BCAS2: variants seen among roughly 807,000 people sequenced by gnomAD.
The protein encoded by BCAS2 is BCAS2 pre-mRNA processing factor.
In BCAS2, 34 loss-of-function variants were observed where a neutral mutation model predicts 35.3. The ratio of observed to expected loss-of-function variants is 0.96; its 90% confidence interval spans 0.73 to 1.28. The LOEUF (loss-of-function observed/expected upper bound fraction) is 1.28, where lower values mean the gene tolerates loss of function less well. BCAS2 is among the 50% of genes most tolerant of loss of function. The pLI is 0.00. For missense variants in BCAS2, 221 were observed against 268.1 expected (o/e 0.82, Z 1.23); for synonymous variants, 75 against 91.6 (o/e 0.82, Z 1.03).
intron 4 of BCAS2, among the ~76,000 whole-genome samples, chr1:114,573,351 T>G (rs1654689863): frequency 7.5e-6 from 1 of 132,624 alleles, no homozygotes; most frequent in Admixed American, 7.0e-5. Context: ...TTTTTTTTCT[T>G]TTTTTTGAAA....
At chr1:114,575,175 C>CTT (rs1270055135) in intron 4 of BCAS2, among the ~76,000 whole-genome samples, 2 of 122,988 alleles carry the variant, frequency 1.6e-5, no homozygotes, top group Non-Finnish European at 3.2e-5. Context: ...CCCGGCTTTT[C>CTT]TTTTTCTTTT....
chr1:114,568,352 A>G (rs896982040), intron 6 of BCAS2, 96 bp from the exon 7 acceptor site: 20 of 1,316,794 alleles, frequency 1.5e-5, no homozygotes, highest in East Asian at 2.5e-5. Context: ...ACCCAGAGCT[A>G]TAACACTAAC....
chr1:114,575,675 C>T lies in BCAS2; in HGVS notation c.334G>A (p.Ala112Thr). Residue 112 changes from alanine (A) to threonine (T), a missense_variant, in exon 4 of 7, where the codon GCC (alanine) becomes ACC (threonine). Ala to Thr is a moderately conservative substitution (Grantham distance 58, BLOSUM62 0). Transcript: ENST00000369541. Reference protein sequence around the residue: ...AWQECVNNSMAQLEHQAVRIE... With the variant: ...AWQECVNNSMTQLEHQAVRIE... ...CTAACTGCTTGATGCTCTAACTGGG[C>T]CATAGAATTGTTTACACATTCTTGC... is the stretch of plus-strand genomic sequence containing the variant. 1 of 1,613,096 alleles carries T rather than the reference C, an allele frequency of 6.2e-7. No homozygotes were observed. Among genetic ancestry groups the T allele is most frequent in the Non-Finnish European group, 8.5e-7 (1 of 1,179,790 alleles).
At position 114,579,650 on chromosome 1, in the gene BCAS2, GAGGCCAGGAGTTCA is replaced by G. The variant is rs371734251; in HGVS notation, c.186+1635_186+1648del. Reference sequence around the variant, plus strand: ...GGAGGCTGAGGTGGGTGGATCACTTGAGGCCAGGAGTTCAAGACCAGCCTGGCCAACATGGTAAA... The same window carrying G: ...GGAGGCTGAGGTGGGTGGATCACTTGAGACCAGCCTGGCCAACATGGTAAA... On this transcript the variant is annotated intron_variant, in intron 2 of 6. Transcript: ENST00000369541. Among the ~76,000 whole-genome samples, 193 of 152,294 alleles carry G rather than the reference GAGGCCAGGAGTTCA, an allele frequency of 1.3e-3. 1 individual carries two copies. The highest frequency in any genetic ancestry group is 4.3e-3 in the African/African-American group (178 of 41,564).
rs61232118 is a variant in BCAS2, at chr1:114,570,268, T to TCACACA, written c.471-202_471-197dup. Among the ~76,000 whole-genome samples the TCACACA allele has an allele frequency of 3.6e-3, 545 of 150,628 alleles. 2 individuals are homozygous for TCACACA. Among genetic ancestry groups the TCACACA allele is most frequent in the African/African-American group, 0.012 (489 of 41,142 alleles). On this transcript the variant is annotated intron_variant, in intron 5 of 6. Transcript: ENST00000369541. ...CATAAAACATGCTCATTGTGAGAAA[T>TCACACA]CACACACACACACACACACAAGCAC...
Position 114,578,188 on chromosome 1 carries a change from C to CAAAAACAA in BCAS2, c.187-1438_187-1431dup, listed in dbSNP as rs538555771. ...CTGGCAACAGAGTGAGACTTCATCT[C>CAAAAACAA]AAAAACAAAAAAACAAAAAAACAAA... is the stretch of plus-strand genomic sequence containing the variant. On this transcript the variant is annotated intron_variant, in intron 2 of 6. Coordinates refer to ENST00000369541, the MANE Select transcript of BCAS2 (RefSeq NM_005872.3). Among the ~76,000 whole-genome samples, 182 of 150,902 alleles carry CAAAAACAA rather than the reference C, an allele frequency of 1.2e-3. 1 individual carries two copies. In the South Asian group the frequency reaches 0.015, roughly 12 times the overall value.
intron 2 of BCAS2, among the ~76,000 whole-genome samples, chr1:114,580,660 AAAATT>A (rs1412556757): frequency 2.0e-5 from 3 of 152,208 alleles, no homozygotes; most frequent in Non-Finnish European, 4.4e-5. Context: ...AAAGAAAAGA[AAAATT>A]AAAAGAAAAC....
In BCAS2 at chr1:114,575,569, G is replaced by A. The variant is rs375019963; in HGVS notation, c.419+21C>T. On this transcript the variant is annotated intron_variant, in intron 4 of 6. Coordinates refer to ENST00000369541, the MANE Select transcript of BCAS2 (RefSeq NM_005872.3). ...AAGAGAAAAAACAAAAAAAACAGAA[G>A]ATGAAGAAAAAGGTTCTTACTCATT... 620 of 1,563,766 alleles carry A rather than the reference G, an allele frequency of 4.0e-4. 9 individuals are homozygous for A. In the South Asian group the frequency reaches 4.8e-3, roughly 12 times the overall value.
chr1:114,579,269 C>CA (rs1339266424), intron 2 of BCAS2, among the ~76,000 whole-genome samples: 3 of 151,186 alleles, frequency 2.0e-5, no homozygotes, highest in African/African-American at 7.3e-5. Context: ...GACTCTGTCT[C>CA]AAAAAAAGAA....
chr1:114,580,986 C>G (rs1385159501), intron 2 of BCAS2, among the ~76,000 whole-genome samples: 2 of 152,194 alleles, frequency 1.3e-5, no homozygotes, highest in African/African-American at 4.8e-5. Context: ...AACCCTAGAT[C>G]ACTTGCTGTA....
chr1:114,569,060 G>A (rs1250337355), intron 6 of BCAS2, among the ~76,000 whole-genome samples: 1 of 151,902 alleles, frequency 6.6e-6, no homozygotes, highest in Non-Finnish European at 1.5e-5. Flanking sequence ...CACCACACCT[G>A]GCTCTCTGTA....
chr1:114,568,691 T>TA (rs781285409), intron 6 of BCAS2, among the ~76,000 whole-genome samples: 18 of 147,128 alleles, frequency 1.2e-4, no homozygotes, highest in Admixed American at 3.4e-4. Context: ...AACTTTCCAT[T>TA]AAAAAAAAAT....
rs180689650 is a variant in BCAS2, at chr1:114,568,692, A to T, written c.552-436T>A. On this transcript the variant is annotated intron_variant, in intron 6 of 6. Coordinates refer to ENST00000369541, the MANE Select transcript of BCAS2 (RefSeq NM_005872.3). Reference sequence around the variant, plus strand: ...TAACCTTCACTTTCAACTTTCCATTAAAAAAAAATCAAGGCACAATTGTGG... The same window carrying T: ...TAACCTTCACTTTCAACTTTCCATTTAAAAAAAATCAAGGCACAATTGTGG... Among the ~76,000 whole-genome samples the T allele has an allele frequency of 3.1e-3, 473 of 150,414 alleles. 2 individuals are homozygous for T. The highest frequency in any genetic ancestry group is 0.011 in the African/African-American group (448 of 41,128).
intron 4 of BCAS2, among the ~76,000 whole-genome samples, chr1:114,572,767 G>C (rs1289533719): frequency 6.6e-6 from 1 of 152,108 alleles, no homozygotes; most frequent in African/African-American, 2.4e-5. Flanking sequence ...ACTAGTTTGG[G>C]TTGAGTTAAA....
At chr1:114,581,168 T>C (rs1038319013) in intron 2 of BCAS2, 131 bp downstream of exon 2, 6 of 896,374 alleles carry the variant, frequency 6.7e-6, no homozygotes, top group African/African-American at 3.3e-5. Flanking sequence ...TTGTTTTCAA[T>C]AGACTGACAC....
chr1:114,580,208 G>A (rs751226581), intron 2 of BCAS2, among the ~76,000 whole-genome samples: 1 of 152,150 alleles, frequency 6.6e-6, no homozygotes, highest in African/African-American at 2.4e-5. Context: ...ACAGGTGTGA[G>A]CCACCACACC....
Position 114,570,060 on chromosome 1 carries a change from T to C in BCAS2, c.483A>G (p.Gln161=), listed in dbSNP as rs1278687513. 4 of 1,609,610 alleles carry C rather than the reference T, an allele frequency of 2.5e-6. No individual in the cohort carries two copies. The highest frequency in any genetic ancestry group is 3.3e-5 in the Admixed American group (2 of 59,912). Residue 161 remains glutamine, a synonymous_variant, in exon 6 of 7, where the codon CAA becomes CAG. Transcript: ENST00000369541. ...KELQKLRKHI[Q]DLNWQRKNMQ... ...TGTTCTTTCTCTGCCAGTTTAAATC[T>C]TGAATATGTTTTCTGTAAAAAATTA...
chr1:114,580,793 T>G (rs1654870317), intron 2 of BCAS2, among the ~76,000 whole-genome samples: 2 of 152,186 alleles, frequency 1.3e-5, no homozygotes, highest in South Asian at 4.1e-4. Context: ...ATCAGAAATG[T>G]GTTAATAAAA....
At chr1:114,575,062 C>A (rs548436118) in intron 4 of BCAS2, among the ~76,000 whole-genome samples, 1 of 149,126 alleles carries the variant, frequency 6.7e-6, no homozygotes, top group Non-Finnish European at 1.5e-5. Context: ...AGTAGAGATG[C>A]GGTTTTACCA....
Sources: gnomAD v4.1 joint callset for allele counts (sites outside exome capture counted in the v4.1 genomes callset) on GRCh38, gnomAD v4.1.1 for gene constraint, MANE v1.5 for transcripts, NCBI Gene and HGNC (gene_info 2026-07-23, HGNC 2026-07-21) for gene names.